The following KIAA1549 variants were observed in gnomAD, a reference collection of about 807,000 sequenced individuals.
The protein encoded by KIAA1549 is KIAA1549, also known as UPF0606 protein KIAA1549.
Under a neutral mutation model 156.4 loss-of-function variants are expected in KIAA1549, and 70 were observed. That is an observed-to-expected ratio of 0.45 (90% confidence interval 0.37 to 0.55). The LOEUF (loss-of-function observed/expected upper bound fraction) is 0.55. Ranked by LOEUF, KIAA1549 falls within the 20% of genes least tolerant of loss-of-function variation. KIAA1549 has a pLI of 0.00. For missense variants in KIAA1549, 2,428 were observed against 2,540.9 expected (o/e 0.96, Z 0.96); for synonymous variants, 1,103 against 1,066.4 (o/e 1.03, Z -0.67).
At chr7:138,880,659 G>A (rs12114019) in intron 11 of KIAA1549, among the ~76,000 whole-genome samples, 3 of 151,870 alleles carry the variant, frequency 2.0e-5, no homozygotes, top group African/African-American at 7.3e-5. Flanking sequence ...CTGACGGTGC[G>A]ATGATGGAAA....
At chr7:138,979,975 C>T (rs1021197045) in intron 1 of KIAA1549, among the ~76,000 whole-genome samples, 1 of 152,200 alleles carries the variant, frequency 6.6e-6, no homozygotes, top group East Asian at 1.9e-4. Context: ...CCTCCCTGTG[C>T]TTCTATTGTA....
At chr7:138,957,616 T>C (rs944255970) in intron 1 of KIAA1549, among the ~76,000 whole-genome samples, 2 of 152,106 alleles carry the variant, frequency 1.3e-5, no homozygotes, top group Non-Finnish European at 2.9e-5. Flanking sequence ...TAGATGGGAC[T>C]ACAGGTTCGC....
intron 17 of KIAA1549, among the ~76,000 whole-genome samples, chr7:138,851,507 T>C (rs779996038): frequency 3.3e-5 from 5 of 152,024 alleles, no homozygotes; most frequent in Non-Finnish European, 5.9e-5. Context: ...CTATTGTCTA[T>C]TTCTTTCTAA....
At chr7:138,914,938 C>T (rs1424063648) in intron 2 of KIAA1549, among the ~76,000 whole-genome samples, 1 of 152,120 alleles carries the variant, frequency 6.6e-6, no homozygotes, top group African/African-American at 2.4e-5. Flanking sequence ...TACAACTGAC[C>T]ACTTTGTAAC....
At chr7:138,879,078 CA>C (rs1811169541) in intron 12 of KIAA1549, among the ~76,000 whole-genome samples, 1 of 152,162 alleles carries the variant, frequency 6.6e-6, no homozygotes, top group Non-Finnish European at 1.5e-5. Context: ...CATGCTAAAC[CA>C]TCTGATCACA....
At position 138,837,657 on chromosome 7, in the gene KIAA1549, G is replaced by A; in HGVS notation, c.*249C>T. ...GGTTTGTGTTTTGTTTTTGTGAAGT[G>A]CTGCTGGCTTTTGGCCAAAATACAT... On this transcript the variant is annotated 3_prime_UTR_variant, in exon 20 of 20. Coordinates refer to ENST00000422774, the MANE Select transcript of KIAA1549 (RefSeq NM_001164665.2). 1 of 561,704 alleles carries A rather than the reference G, an allele frequency of 1.8e-6. No individual in the cohort carries two copies. The highest frequency in any genetic ancestry group is 3.1e-6 in the Non-Finnish European group (1 of 320,304). The allele number at this position is 561,704 out of a possible 1,614,324, so 34.8% of individuals were successfully genotyped here. A position where few individuals can be genotyped will look rare whatever the true frequency, so the allele number is the denominator to read the frequency against.
At chr7:138,845,159 GTATT>G (rs1390346028) in intron 17 of KIAA1549, among the ~76,000 whole-genome samples, 3 of 152,042 alleles carry the variant, frequency 2.0e-5, no homozygotes, top group South Asian at 2.1e-4. Flanking sequence ...AAAAAAGTAA[GTATT>G]TATTTTAAAA....
At position 138,834,322 on chromosome 7, in the gene KIAA1549, A is replaced by G. The variant is rs1477683704; in HGVS notation, c.*3584T>C. The G allele has an allele frequency of 5.3e-6, 1 of 187,740 alleles. No individual in the cohort carries two copies. The highest frequency in any genetic ancestry group is 6.2e-5 in the Admixed American group (1 of 16,114). The allele number at this position is 187,740 out of a possible 1,614,324, so 11.6% of individuals were successfully genotyped here. On this transcript the variant is annotated 3_prime_UTR_variant, in exon 20 of 20. Coordinates refer to ENST00000422774, the MANE Select transcript of KIAA1549 (RefSeq NM_001164665.2). ...GCCACCACACCCAGCTAGTTTTTGT[A>G]TTTTTTTGTAGAGACGGGGTTTTGC...
intron 2 of KIAA1549, among the ~76,000 whole-genome samples, 166 bp downstream of exon 2, chr7:138,916,582 C>T (rs1337714556): frequency 6.6e-6 from 1 of 152,222 alleles, no homozygotes; most frequent in African/African-American, 2.4e-5. Context: ...GGATAAATAA[C>T]TGTTCTGAGA....
intron 1 of KIAA1549, among the ~76,000 whole-genome samples, chr7:138,971,299 C>G (rs972956583): frequency 1.8e-4 from 28 of 152,142 alleles, no homozygotes; most frequent in Admixed American, 1.3e-4. Flanking sequence ...CAGATCTGCT[C>G]GCCTCCCACC....
At chr7:138,926,712 T>C (rs559983716) in intron 1 of KIAA1549, among the ~76,000 whole-genome samples, 1 of 152,310 alleles carries the variant, frequency 6.6e-6, no homozygotes, top group Non-Finnish European at 1.5e-5. Flanking sequence ...GTCTTCCCCT[T>C]GTTTCTCCAC....
At chr7:138,879,102 G>C (rs6958217) in intron 12 of KIAA1549, among the ~76,000 whole-genome samples, 79,175 of 152,016 alleles carry the variant, frequency 0.52, 22,042 homozygotes, top group African/African-American at 0.73. Flanking sequence ...AAACCACCTG[G>C]TGGAAGAAAG....
At chr7:138,903,872 CAT>C (rs1811933011) in intron 7 of KIAA1549, 136 bp from the exon 8 acceptor site, 5 of 698,670 alleles carry the variant, frequency 7.2e-6, no homozygotes, top group Non-Finnish European at 1.1e-5. Context: ...CGCGCGCGCA[CAT>C]ATGTATTTGA....
At chr7:138,933,003 C>T (rs768667276) in intron 1 of KIAA1549, among the ~76,000 whole-genome samples, 1 of 152,094 alleles carries the variant, frequency 6.6e-6, no homozygotes, top group Non-Finnish European at 1.5e-5. Context: ...AACAGAAAAT[C>T]GGTCGGTACT....
intron 12 of KIAA1549, 43 bp from the exon 13 acceptor site, chr7:138,871,405 A>G: frequency 6.8e-7 from 1 of 1,464,640 alleles, no homozygotes; most frequent in Non-Finnish European, 9.1e-7. Flanking sequence ...GAAGTCATCT[A>G]AAGAAACAGC....
At chr7:138,862,210 G>A (rs967966972) in intron 15 of KIAA1549, among the ~76,000 whole-genome samples, 2 of 152,110 alleles carry the variant, frequency 1.3e-5, no homozygotes, top group Non-Finnish European at 2.9e-5. Flanking sequence ...AACTATGCAT[G>A]TGGGCTGGGT....
intron 1 of KIAA1549, among the ~76,000 whole-genome samples, chr7:138,969,827 A>G (rs1275410898): frequency 6.6e-6 from 1 of 152,288 alleles, no homozygotes; most frequent in East Asian, 1.9e-4. Flanking sequence ...TCCTGACCTC[A>G]GGTGATCTGA....
At chr7:138,881,982 G>C (rs1348551798) in intron 10 of KIAA1549, among the ~76,000 whole-genome samples, 1 of 152,250 alleles carries the variant, frequency 6.6e-6, no homozygotes, top group Non-Finnish European at 1.5e-5. Context: ...TCAGGAAGCA[G>C]AGAACACTGA....
chr7:138,887,848 G>C (rs1415353306), intron 10 of KIAA1549, among the ~76,000 whole-genome samples: 2 of 152,216 alleles, frequency 1.3e-5, no homozygotes, highest in African/African-American at 4.8e-5. Context: ...TAGATATTCT[G>C]TAGAGGAGGT....
Sources: gnomAD v4.1 joint callset for allele counts (sites outside exome capture counted in the v4.1 genomes callset) on GRCh38, gnomAD v4.1.1 for gene constraint, MANE v1.5 for transcripts, NCBI Gene and HGNC (gene_info 2026-07-23, HGNC 2026-07-21) for gene names.